The following ZBTB46 variants were observed in gnomAD, a reference collection of about 807,000 sequenced individuals.
ZBTB46 encodes zinc finger and BTB domain containing 46.
In ZBTB46, 8 loss-of-function variants were observed where a neutral mutation model predicts 44.1. That is an observed-to-expected ratio of 0.18 (90% confidence interval 0.11 to 0.33). The LOEUF is 0.33. ZBTB46 is among the 10% of genes least tolerant of loss of function. The pLI, the probability that ZBTB46 is intolerant of heterozygous loss-of-function variation, is 1.00. For synonymous variants in ZBTB46, 409 were observed against 382.3 expected (o/e 1.07, Z -0.81); for missense variants, 651 against 847.7 (o/e 0.77, Z 2.88).
intron 3 of ZBTB46, among the ~76,000 whole-genome samples, chr20:63,760,348 G>C (rs1324316401): frequency 4.6e-5 from 7 of 152,034 alleles, no homozygotes; most frequent in Admixed American, 2.6e-4. Context: ...GATAAATTCT[G>C]TTTTCCAGGA....
Position 63,767,719 on chromosome 20 carries a change from G to A in ZBTB46, c.1222+7959C>T, listed in dbSNP as rs1045226189. ...CTTCGCTGCTGTCACTTGCTTCACA[G>A]AGCTCCTTAGCTGGCCTCAGGGTAA... is the stretch of plus-strand genomic sequence containing the variant. On this transcript the variant is annotated intron_variant, in intron 3 of 4. Transcript: ENST00000245663. The surrounding 1 kb of genome is among the most constrained non-coding windows in gnomAD (Gnocchi z 5.0). Among the ~76,000 whole-genome samples the A allele has an allele frequency of 5.9e-5, 9 of 152,256 alleles. No individual in the cohort carries two copies. Among genetic ancestry groups the A allele is most frequent in the Non-Finnish European group, 1.3e-4 (9 of 68,046 alleles).
At chr20:63,807,004 G>A (rs374118777) in intron 1 of ZBTB46, among the ~76,000 whole-genome samples, 2 of 152,006 alleles carry the variant, frequency 1.3e-5, no homozygotes, top group South Asian at 2.1e-4. Flanking sequence ...GGATAGTCGC[G>A]ATCTCCTGAC....
rs1402639658 is a variant in ZBTB46, at chr20:63,787,309, C to G, written c.937+2512G>C. 6.6e-6 allele frequency among the ~76,000 whole-genome samples: 1 copy of G among 151,916 alleles called. No homozygotes were observed. Among genetic ancestry groups the G allele is most frequent in the Non-Finnish European group, 1.5e-5 (1 of 68,028 alleles). ...ATCGCCATCCTAGCCATCGCCACAT[C>G]CTAGCACAACTTTAAAAAATCAGTT... On this transcript the variant is annotated intron_variant, in intron 2 of 4. Coordinates refer to ENST00000245663, the MANE Select transcript of ZBTB46 (RefSeq NM_001369741.1). This position sits in a 1 kb window ranked among gnomAD's most constrained non-coding sequence, Gnocchi z 4.6.
In ZBTB46 at chr20:63,824,153, C is replaced by A. The variant is rs571063915; in HGVS notation, c.-34+6944G>T. On this transcript the variant is annotated intron_variant, in intron 1 of 4. Transcript: ENST00000245663. ...AGGGCCACCTTCGAGGTTGAGCAGC[C>A]GGCCTCCCTGAAGCATGGGAAATTC... Among the ~76,000 whole-genome samples the A allele has an allele frequency of 2.6e-4, 39 of 152,104 alleles. 1 individual carries two copies. In the South Asian group the frequency reaches 7.9e-3, roughly 31 times the overall value.
chr20:63,831,587 G>T (rs965869512), upstream of ZBTB46, among the ~76,000 whole-genome samples: 7 of 148,848 alleles, frequency 4.7e-5, no homozygotes, highest in Non-Finnish European at 9.0e-5. Flanking sequence ...GGGCTGGCGG[G>T]GGGCTGGGGC....
At chr20:63,766,628 G>A (rs1443839718) in intron 3 of ZBTB46, among the ~76,000 whole-genome samples, 1 of 152,022 alleles carries the variant, frequency 6.6e-6, no homozygotes, top group Non-Finnish European at 1.5e-5. Flanking sequence ...CAGAAGGCAC[G>A]GCCTGTGTGG....
intron 2 of ZBTB46, among the ~76,000 whole-genome samples, chr20:63,780,851 C>T (rs555085411): frequency 2.8e-4 from 43 of 151,528 alleles, no homozygotes; most frequent in African/African-American, 9.2e-4. Flanking sequence ...AAAAAGGAGG[C>T]CATGCACAGT....
chr20:63,799,012 G>C (rs1023967494), intron 1 of ZBTB46, among the ~76,000 whole-genome samples: 1 of 151,884 alleles, frequency 6.6e-6, no homozygotes, highest in Non-Finnish European at 1.5e-5. Flanking sequence ...TCTAAGAACT[G>C]CTCTCCACAA....
chr20:63,744,194 T>A lies in ZBTB46; in HGVS notation c.*2736A>T, dbSNP rs1265870107. The A allele has an allele frequency of 6.6e-6, 1 of 152,212 alleles. No individual in the cohort carries two copies. Among genetic ancestry groups the A allele is most frequent in the African/African-American group, 2.4e-5 (1 of 41,442 alleles). 9.4% of individuals were successfully genotyped at this position (152,212 alleles called of 1,614,324 possible). On this transcript the variant is annotated 3_prime_UTR_variant, in exon 5 of 5. Transcript: ENST00000245663. ...ATGAGCTAAAATAAGATTACTTCTTTTATAATATTGCAAAAAGTTCCAGTT... is the reference window on the plus strand; with the variant it reads ...ATGAGCTAAAATAAGATTACTTCTTATATAATATTGCAAAAAGTTCCAGTT...
At chr20:63,820,138 G>C (rs2092783091) in intron 1 of ZBTB46, among the ~76,000 whole-genome samples, 1 of 152,044 alleles carries the variant, frequency 6.6e-6, no homozygotes, top group Non-Finnish European at 1.5e-5. Context: ...CTGTCACCCA[G>C]GCTGGAGTGC....
intron 3 of ZBTB46, among the ~76,000 whole-genome samples, chr20:63,756,572 GT>G (rs2092222302): frequency 6.6e-6 from 1 of 152,202 alleles, no homozygotes; most frequent in Non-Finnish European, 1.5e-5. Flanking sequence ...TTTCAAAAAC[GT>G]TTTAAGCCTT....
intron 1 of ZBTB46, among the ~76,000 whole-genome samples, chr20:63,798,738 G>A (rs1467431226): frequency 1.4e-5 from 2 of 146,046 alleles, no homozygotes; most frequent in East Asian, 4.1e-4. Flanking sequence ...CAGCTACTAA[G>A]GAGGCTGAGG....
At chr20:63,759,262 C>T (rs1056620143) in intron 3 of ZBTB46, among the ~76,000 whole-genome samples, 4 of 122,102 alleles carry the variant, frequency 3.3e-5, no homozygotes, top group African/African-American at 1.5e-4. Flanking sequence ...CGTACATTGG[C>T]TGTATATCCA....
rs1370517111 is a variant in ZBTB46 at position 63,744,926 on chromosome 20, CAT to C, written c.*2002_*2003del. On this transcript the variant is annotated 3_prime_UTR_variant, in exon 5 of 5. Transcript: ENST00000245663. The stretch of plus-strand genomic sequence containing the variant: ...CAGGGACTGGTACAAAACCCAGAGA[CAT>C]TGGTGGGTAGCAAAGGTCTGGTTTC... 2 of 152,418 alleles carry C rather than the reference CAT, an allele frequency of 1.3e-5. No individual in the cohort carries two copies. Among genetic ancestry groups the C allele is most frequent in the Non-Finnish European group, 2.9e-5 (2 of 68,094 alleles). 9.4% of individuals were successfully genotyped at this position (152,418 alleles called of 1,614,324 possible). A position where few individuals can be genotyped will look rare whatever the true frequency, so the allele number is the denominator to read the frequency against.
intron 3 of ZBTB46, among the ~76,000 whole-genome samples, chr20:63,773,078 C>T (rs886882182): frequency 2.0e-5 from 3 of 152,160 alleles, no homozygotes; most frequent in South Asian, 4.1e-4. Context: ...CGGGTGAAAT[C>T]GACATCTTCT....
At chr20:63,751,800 C>CT (rs2092168964) in intron 4 of ZBTB46, among the ~76,000 whole-genome samples, 1 of 144,778 alleles carries the variant, frequency 6.9e-6, no homozygotes, top group Admixed American at 6.7e-5. Context: ...GCCCCGCCCC[C>CT]GGTGGGTCTC....
At position 63,767,672 on chromosome 20, in the gene ZBTB46, C is replaced by A. The variant is rs577849503; in HGVS notation, c.1222+8006G>T. 1.3e-5 allele frequency among the ~76,000 whole-genome samples: 2 copies of A among 152,350 alleles called. No homozygotes were observed. The highest frequency in any genetic ancestry group is 2.9e-5 in the Non-Finnish European group (2 of 68,030). ...GAGGCACCCGCAGTTCTGTCCCAAA[C>A]CACTTCCAGCAGGGGAGGTGCCTTC... On this transcript the variant is annotated intron_variant, in intron 3 of 4. Coordinates refer to ENST00000245663, the MANE Select transcript of ZBTB46 (RefSeq NM_001369741.1). The surrounding 1 kb of genome is among the most constrained non-coding windows in gnomAD (Gnocchi z 5.0).
In ZBTB46 at chr20:63,752,415, TGA is replaced by T. The variant is rs1174457938; in HGVS notation, c.1398+269_1398+270del. Reference sequence around the variant, plus strand: ...GTTGGGGGCTCCAAGCAGAGCGAGCTGAGTTTGCCGAGGCCTGGCTGCCTTGG... The same window carrying T: ...GTTGGGGGCTCCAAGCAGAGCGAGCTGTTTGCCGAGGCCTGGCTGCCTTGG... On this transcript the variant is annotated intron_variant, in intron 4 of 4. Coordinates refer to ENST00000245663, the MANE Select transcript of ZBTB46 (RefSeq NM_001369741.1). This position sits in a 1 kb window ranked among gnomAD's most constrained non-coding sequence, Gnocchi z 5.6. Among the ~76,000 whole-genome samples, 1 of 151,858 alleles carries T rather than the reference TGA, an allele frequency of 6.6e-6. No homozygotes were observed. Among genetic ancestry groups the T allele is most frequent in the African/African-American group, 2.4e-5 (1 of 41,334 alleles).
At chr20:63,779,506 G>A (rs553906714) in intron 2 of ZBTB46, among the ~76,000 whole-genome samples, 32 of 140,388 alleles carry the variant, frequency 2.3e-4, no homozygotes, top group African/African-American at 8.0e-4. Context: ...TGCAAGCTCC[G>A]CCTCCCAGGT....
Sources: allele counts gnomAD v4.1 joint callset (sites outside exome capture counted in the v4.1 genomes callset), GRCh38; gene constraint gnomAD v4.1.1; non-coding constraint Gnocchi (gnomAD v3.1); transcripts MANE v1.5; gene names NCBI Gene and HGNC (gene_info 2026-07-23, HGNC 2026-07-21).